SDK1: variants seen among roughly 807,000 people sequenced by gnomAD.
SDK1 encodes the protein sidekick cell adhesion molecule 1.
A neutral mutation model predicts 245.5 loss-of-function variants in SDK1; 157 were observed. That is an observed-to-expected ratio of 0.64 (90% CI 0.56 to 0.73). SDK1 has a LOEUF of 0.73. SDK1 is among the 30% of genes least tolerant of loss of function. The probability of loss-of-function intolerance (pLI) is 0.00; values close to 1 mark genes in which losing one functional copy is unlikely to be tolerated. For missense variants in SDK1, 3,583 were observed against 3,002.3 expected (o/e 1.19, Z -4.52); for synonymous variants, 1,647 against 1,278.5 (o/e 1.29, Z -6.15).
intron 42 of SDK1, 125 bp from the exon 43 acceptor site, chr7:4,241,668 T>C (rs1444783028): frequency 8.8e-7 from 1 of 1,138,004 alleles, no homozygotes; most frequent in African/African-American, 1.6e-5. Flanking sequence ...GAAGCAGGTA[T>C]CCTCAGCTCT....
chr7:3,433,660 A>C (rs1012273526), intron 1 of SDK1, among the ~76,000 whole-genome samples: 1 of 152,200 alleles, frequency 6.6e-6, no homozygotes, highest in Non-Finnish European at 1.5e-5. Context: ...GGCTTTAGGG[A>C]CCAACATCAA....
chr7:3,939,133 A>G (rs1780266306), intron 5 of SDK1, among the ~76,000 whole-genome samples: 1 of 152,238 alleles, frequency 6.6e-6, no homozygotes, highest in Admixed American at 6.5e-5. Context: ...AGGAAACGAG[A>G]AGAACCTAGT....
At chr7:4,178,997 T>C in intron 35 of SDK1, 1 of 173,846 alleles carries the variant, frequency 5.8e-6, no homozygotes, top group Non-Finnish European at 1.2e-5. Flanking sequence ...CAGCCCATTC[T>C]CTAGGTCTGG....
At chr7:3,844,650 G>A (rs1262577119) in intron 5 of SDK1, among the ~76,000 whole-genome samples, 15 of 152,192 alleles carry the variant, frequency 9.9e-5, no homozygotes. Flanking sequence ...ACAAGGAAGA[G>A]TTTACACAGA....
rs146773978 is a variant in SDK1, at chr7:3,493,714, C to G, written c.299-125366C>G. ...CTCTTGCAAGGTTAAAAGAATTATTCTTGTGTTAACTCACAATTACTGCAT... is the reference window on the plus strand; with the variant it reads ...CTCTTGCAAGGTTAAAAGAATTATTGTTGTGTTAACTCACAATTACTGCAT... On this transcript the variant is annotated intron_variant, in intron 1 of 44. Coordinates refer to ENST00000404826, the MANE Select transcript of SDK1 (RefSeq NM_152744.4). Among the ~76,000 whole-genome samples the G allele has an allele frequency of 2.0e-5, 3 of 152,322 alleles. No individual in the cohort carries two copies. In the East Asian group the frequency reaches 5.8e-4, roughly 29 times the overall value.
intron 22 of SDK1, among the ~76,000 whole-genome samples, chr7:4,108,456 T>G (rs558504709): frequency 6.6e-6 from 1 of 150,550 alleles, no homozygotes; most frequent in African/African-American, 2.5e-5. Context: ...GGTTTTGATG[T>G]CTACCCCAGT....
chr7:4,247,466 G>T (rs1004890061), intron 44 of SDK1, among the ~76,000 whole-genome samples: 1 of 152,214 alleles, frequency 6.6e-6, no homozygotes, highest in African/African-American at 2.4e-5. Context: ...CTGCCTTTTT[G>T]TGATAAAGAA....
At chr7:3,367,066 G>A (rs901614847) in intron 1 of SDK1, among the ~76,000 whole-genome samples, 1 of 152,118 alleles carries the variant, frequency 6.6e-6, no homozygotes. Context: ...AAAGAGGAAG[G>A]AAGATTATTT....
intron 35 of SDK1, among the ~76,000 whole-genome samples, chr7:4,185,040 G>A (rs1444185624): frequency 6.6e-6 from 1 of 152,176 alleles, no homozygotes; most frequent in Admixed American, 6.5e-5. Context: ...ACTAGTTGCT[G>A]CAGCCAACGT....
chr7:3,826,275 C>T (rs759151574), intron 5 of SDK1, among the ~76,000 whole-genome samples: 1 of 152,126 alleles, frequency 6.6e-6, no homozygotes, highest in Non-Finnish European at 1.5e-5. Context: ...GAAGAGAGGA[C>T]GGGAATCAGC....
chr7:3,507,524 G>T (rs1437338282), intron 1 of SDK1, among the ~76,000 whole-genome samples: 2 of 152,152 alleles, frequency 1.3e-5, no homozygotes, highest in African/African-American at 4.8e-5. Flanking sequence ...CTGCAGGAAG[G>T]ACTGATCTAG....
intron 13 of SDK1, among the ~76,000 whole-genome samples, chr7:3,980,862 A>G (rs1334357205): frequency 1.3e-5 from 2 of 151,948 alleles, no homozygotes; most frequent in Non-Finnish European, 2.9e-5. Context: ...AATTGCTCGA[A>G]CTCAGGAGGC....
intron 5 of SDK1, among the ~76,000 whole-genome samples, chr7:3,943,447 C>G (rs1432501752): frequency 6.8e-6 from 1 of 148,072 alleles, no homozygotes; most frequent in East Asian, 2.0e-4. Context: ...ATATTCTGGT[C>G]TCCCTGCCTG....
intron 1 of SDK1, among the ~76,000 whole-genome samples, chr7:3,333,746 A>G (rs1419397010): frequency 6.6e-6 from 1 of 152,242 alleles, no homozygotes; most frequent in African/African-American, 2.4e-5. Context: ...TATCGAGGAC[A>G]GACTCTAATT....
intron 1 of SDK1, among the ~76,000 whole-genome samples, chr7:3,514,096 A>T (rs1183925514): frequency 2.0e-5 from 3 of 152,116 alleles, no homozygotes; most frequent in Non-Finnish European, 2.9e-5. Context: ...CATATTTCAG[A>T]AGTAAGGAAA....
chr7:4,007,138 C>T (rs573035855), intron 14 of SDK1, among the ~76,000 whole-genome samples: 1 of 152,342 alleles, frequency 6.6e-6, no homozygotes, highest in East Asian at 1.9e-4. Flanking sequence ...CAGTATCAGT[C>T]AAGCTTCCTG....
intron 4 of SDK1, among the ~76,000 whole-genome samples, chr7:3,730,386 G>C (rs1405758876): frequency 6.6e-6 from 1 of 152,190 alleles, no homozygotes; most frequent in African/African-American, 2.4e-5. Context: ...TGAAGCCAGT[G>C]AATAGAACTT....
chr7:3,543,479 C>T (rs1270978358), intron 1 of SDK1, among the ~76,000 whole-genome samples: 1 of 152,224 alleles, frequency 6.6e-6, no homozygotes, highest in African/African-American at 2.4e-5. Context: ...GAGAGACTGC[C>T]TTCCTCATGG....
At chr7:3,473,906 G>T (rs571931156) in intron 1 of SDK1, among the ~76,000 whole-genome samples, 2 of 151,980 alleles carry the variant, frequency 1.3e-5, no homozygotes, top group East Asian at 3.9e-4. Flanking sequence ...GCAGTGAAGG[G>T]TAGTGGAAGG....
Sources: gnomAD v4.1 joint callset for allele counts (sites outside exome capture counted in the v4.1 genomes callset) on GRCh38, gnomAD v4.1.1 for gene constraint, MANE v1.5 for transcripts, NCBI Gene and HGNC (gene_info 2026-07-23, HGNC 2026-07-21) for gene names.